WDR17: variants seen among roughly 807,000 people sequenced by gnomAD.
WDR17 encodes the protein WD repeat-containing protein 17.
A neutral mutation model predicts 161.7 loss-of-function variants in WDR17; 143 were observed. That is an observed-to-expected ratio of 0.88 (90% CI 0.77 to 1.02). The LOEUF (loss-of-function observed/expected upper bound fraction) is 1.02, where lower values mean the gene tolerates loss of function less well. WDR17 is among the 50% of genes least tolerant of loss of function. The pLI is 0.00. For missense variants in WDR17, 1,469 were observed against 1,520.9 expected (o/e 0.97, Z 0.57); for synonymous variants, 517 against 515.6 (o/e 1.00, Z -0.04).
At chr4:176,160,735 CT>C (rs202052950) in intron 19 of WDR17, among the ~76,000 whole-genome samples, 175 bp from the exon 20 acceptor site, 1 of 152,134 alleles carries the variant, frequency 6.6e-6, no homozygotes, top group East Asian at 1.9e-4. Context: ...TCACTTGAAG[CT>C]TTTTTTGCTA....
chr4:176,117,838 A>G (rs1018069125), intron 3 of WDR17, among the ~76,000 whole-genome samples: 23 of 152,120 alleles, frequency 1.5e-4, no homozygotes, highest in African/African-American at 4.6e-4. Flanking sequence ...ATTTGCAAAA[A>G]AATTATGACT....
chr4:176,145,781 A>G (rs1443593271), intron 11 of WDR17, among the ~76,000 whole-genome samples: 1 of 152,232 alleles, frequency 6.6e-6, no homozygotes, highest in African/African-American at 2.4e-5. Context: ...ACCAGTTAAA[A>G]GAAAACACAG....
chr4:176,134,998 A>T, intron 7 of WDR17, 110 bp from the exon 8 acceptor site: 1 of 1,077,888 alleles, frequency 9.3e-7, no homozygotes, highest in Non-Finnish European at 1.4e-6. Context: ...TTTTTGCATT[A>T]ATATTTGGAA....
chr4:176,091,589 A>G (rs2126629573), intron 1 of WDR17, among the ~76,000 whole-genome samples: 1 of 152,300 alleles, frequency 6.6e-6, no homozygotes, highest in East Asian at 1.9e-4. Context: ...AAAGAACTAT[A>G]AAAGCAAGAG....
intron 17 of WDR17, among the ~76,000 whole-genome samples, chr4:176,155,051 G>A (rs1561191380): frequency 6.6e-6 from 1 of 152,140 alleles, no homozygotes; most frequent in East Asian, 1.9e-4. Flanking sequence ...GAGTAGGAAA[G>A]GATAAAATAG....
chr4:176,108,947 C>T (rs1739263079), intron 1 of WDR17, among the ~76,000 whole-genome samples: 1 of 151,964 alleles, frequency 6.6e-6, no homozygotes, highest in Non-Finnish European at 1.5e-5. Flanking sequence ...GCGCCACCAC[C>T]CCTGGTTAAT....
In WDR17 at chr4:176,135,176, A is replaced by G; in HGVS notation, c.1167A>G (p.Ser389=). Residue 389 remains serine, a synonymous_variant, in exon 8 of 29, where the codon TCA becomes TCG. Coordinates refer to ENST00000508596, the MANE Select transcript of WDR17 (RefSeq NM_181265.4). ...PDDPNLLATA[S]FDGTIKVWDI... ...ATCCTAATCTTTTAGCAACAGCTTC[A>G]TTTGATGGCACTATAAAAGTCTGGG... is the stretch of plus-strand genomic sequence containing the variant. 6.2e-7 allele frequency: 1 copy of G among 1,612,410 alleles called. No individual in the cohort carries two copies. The highest frequency in any genetic ancestry group is 8.5e-7 in the Non-Finnish European group (1 of 1,178,704).
intron 1 of WDR17, among the ~76,000 whole-genome samples, chr4:176,110,394 G>A (rs1177785034): frequency 2.0e-5 from 3 of 152,100 alleles, no homozygotes; most frequent in Non-Finnish European, 4.4e-5. Context: ...CCAAAGAGCT[G>A]GGATTACAGG....
Position 176,119,257 on chromosome 4 carries a change from G to A in WDR17, c.308-610G>A, listed in dbSNP as rs540263863. On this transcript the variant is annotated intron_variant, in intron 3 of 28. Coordinates refer to ENST00000508596, the MANE Select transcript of WDR17 (RefSeq NM_181265.4). Reference sequence around the variant, plus strand: ...TTTCCTTGACTTTCATGTGAAATAAGTGGTCAGCTATTTTTATTGTTATCT... The same window carrying A: ...TTTCCTTGACTTTCATGTGAAATAAATGGTCAGCTATTTTTATTGTTATCT... 3.9e-5 allele frequency among the ~76,000 whole-genome samples: 6 copies of A among 152,130 alleles called. No individual in the cohort carries two copies. The East Asian group carries it at 1.2e-3, about 29-fold the overall frequency.
At chr4:176,073,377 A>G (rs2126556365) in intron 1 of WDR17, among the ~76,000 whole-genome samples, 1 of 152,140 alleles carries the variant, frequency 6.6e-6, no homozygotes, top group East Asian at 1.9e-4. Context: ...TCCTTGCGAT[A>G]GTTTGCTGAG....
At chr4:176,110,378 G>A (rs1340905677) in intron 1 of WDR17, among the ~76,000 whole-genome samples, 3 of 151,996 alleles carry the variant, frequency 2.0e-5, no homozygotes, top group Admixed American at 6.6e-5. Context: ...CGCCCTCTTC[G>A]GCCTCCCAAA....
intron 4 of WDR17, among the ~76,000 whole-genome samples, chr4:176,122,476 A>G (rs1358332965): frequency 2.0e-5 from 3 of 152,216 alleles, no homozygotes; most frequent in Non-Finnish European, 4.4e-5. Context: ...TAATGTGCAC[A>G]AAACATTATA....
intron 1 of WDR17, among the ~76,000 whole-genome samples, chr4:176,095,408 GC>G (rs1561089073): frequency 6.6e-6 from 1 of 152,106 alleles, no homozygotes; most frequent in East Asian, 1.9e-4. Flanking sequence ...ATGACTTGAG[GC>G]TTCACTCAGA....
intron 6 of WDR17, 24 bp from the exon 7 acceptor site, chr4:176,131,530 G>A (rs1364805903): frequency 6.3e-7 from 1 of 1,574,958 alleles, no homozygotes; most frequent in African/African-American, 1.4e-5. Context: ...CATTCCAATA[G>A]GATTTTTTTT....
intron 8 of WDR17, among the ~76,000 whole-genome samples, chr4:176,135,649 C>CA (rs1057267780): frequency 1.3e-5 from 2 of 151,572 alleles, no homozygotes; most frequent in Non-Finnish European, 3.0e-5. Context: ...TATCAAGTAA[C>CA]AGTTCACTTG....
chr4:176,115,397 T>G (rs1025459394), intron 2 of WDR17, among the ~76,000 whole-genome samples: 5 of 151,994 alleles, frequency 3.3e-5, no homozygotes, highest in Non-Finnish European at 5.9e-5. Flanking sequence ...GAGCAGTTGG[T>G]GTATTTAACC....
intron 1 of WDR17, among the ~76,000 whole-genome samples, chr4:176,096,082 A>G (rs1385549427): frequency 1.3e-5 from 2 of 152,014 alleles, no homozygotes; most frequent in Non-Finnish European, 2.9e-5. Flanking sequence ...GTCATTGTAT[A>G]CCTTTTAACT....
In WDR17 at chr4:176,094,574, A is replaced by G. The variant is rs147691968; in HGVS notation, c.-6-17001A>G. Among the ~76,000 whole-genome samples, 563 of 152,360 alleles carry G rather than the reference A, an allele frequency of 3.7e-3. 4 individuals are homozygous for G. Among genetic ancestry groups the G allele is most frequent in the African/African-American group, 0.013 (537 of 41,590 alleles). On this transcript the variant is annotated intron_variant, in intron 1 of 28. Coordinates refer to ENST00000508596, the MANE Select transcript of WDR17 (RefSeq NM_181265.4). ...CTTCCAGGCAAAAAGCCTTGAAAAC[A>G]TAGAAGGACAACATATATTTCGGAA...
chr4:176,077,155 ATTTTTTTTTTTTTT>A (rs66817611), intron 1 of WDR17, among the ~76,000 whole-genome samples: 95 of 125,386 alleles, frequency 7.6e-4, no homozygotes, highest in Middle Eastern at 4.4e-3. Context: ...TTTTCTCCCA[ATTTTTTTTTTTTTT>A]TTTTTTTTTT....
Sources: allele counts gnomAD v4.1 joint callset (sites outside exome capture counted in the v4.1 genomes callset), GRCh38; gene constraint gnomAD v4.1.1; transcripts MANE v1.5; gene names NCBI Gene and HGNC (gene_info 2026-07-23, HGNC 2026-07-21).